Variants in SRSF4 observed in about 807,000 individuals in gnomAD.
The protein encoded by SRSF4 is serine and arginine rich splicing factor 4.
SRSF4 carries 12 observed loss-of-function variants against 48.8 expected under a neutral mutation model. That is an observed-to-expected ratio of 0.25 (90% CI 0.16 to 0.40). The LOEUF (loss-of-function observed/expected upper bound fraction) is 0.40, where lower values mean the gene tolerates loss of function less well. Among genes scored for constraint, SRSF4 ranks in the 10% least tolerant of loss-of-function variants. The pLI is 1.00. For synonymous variants in SRSF4, 248 were observed against 232.5 expected (o/e 1.07, Z -0.61); for missense variants, 466 against 667.1 (o/e 0.70, Z 3.32).
At chr1:29,176,772 CA>C (rs1316737016) in intron 1 of SRSF4, among the ~76,000 whole-genome samples, 1 of 152,104 alleles carries the variant, frequency 6.6e-6, no homozygotes, top group African/African-American at 2.4e-5. Flanking sequence ...AGGGCGAAAA[CA>C]AAAATTTTCT....
intron 4 of SRSF4, among the ~76,000 whole-genome samples, chr1:29,151,484 A>G (rs878866885): frequency 1.3e-5 from 2 of 152,180 alleles, no homozygotes; most frequent in Non-Finnish European, 2.9e-5. Flanking sequence ...GCGACAGAGC[A>G]AGAGTCCGTC....
In SRSF4 at chr1:29,148,226, G is replaced by A. The variant is rs1223084670; in HGVS notation, c.*184C>T. Reference sequence around the variant, plus strand: ...CAAAGAGAAAATTTTTTTCAGTCGAGCAGGAAGGCCTGGTGCCAGGAGGCT... The same window carrying A: ...CAAAGAGAAAATTTTTTTCAGTCGAACAGGAAGGCCTGGTGCCAGGAGGCT... On this transcript the variant is annotated 3_prime_UTR_variant, in exon 6 of 6. Transcript: ENST00000373795. 3.4e-6 allele frequency: 3 copies of A among 880,446 alleles called. No individual in the cohort carries two copies. Among genetic ancestry groups the A allele is most frequent in the Non-Finnish European group, 5.5e-6 (3 of 547,788 alleles). 54.5% of individuals were successfully genotyped at this position (880,446 alleles called of 1,614,324 possible). A position where few individuals can be genotyped will look rare whatever the true frequency, so the allele number is the denominator to read the frequency against.
At chr1:29,159,016 G>A (rs935632570) in intron 3 of SRSF4, among the ~76,000 whole-genome samples, 1 of 151,944 alleles carries the variant, frequency 6.6e-6, no homozygotes, top group Non-Finnish European at 1.5e-5. Flanking sequence ...CTGAGATGGA[G>A]AATTGCTTGA....
rs530952610 is a variant in SRSF4 at position 29,175,562 on chromosome 1, G to A, written c.107+6084C>T. 8.0e-5 allele frequency among the ~76,000 whole-genome samples: 12 copies of A among 149,734 alleles called. No homozygotes were observed. In the South Asian group the frequency reaches 2.6e-3, roughly 32 times the overall value. ...TACAAAAAATTAGCCGGGAGCGGTG[G>A]CGGGCTCCTGTAGTCCCAGCTACTT... On this transcript the variant is annotated intron_variant, in intron 1 of 5. Coordinates refer to ENST00000373795, the MANE Select transcript of SRSF4 (RefSeq NM_005626.5).
intron 1 of SRSF4, chr1:29,170,670 A>G (rs1672734087): frequency 6.6e-6 from 1 of 152,216 alleles, no homozygotes; most frequent in South Asian, 2.1e-4. Flanking sequence ...GGATGGATCA[A>G]TAGCTTCATT....
chr1:29,174,675 GT>G (rs35283951), intron 1 of SRSF4, among the ~76,000 whole-genome samples: 247 of 130,686 alleles, frequency 1.9e-3, no homozygotes, highest in East Asian at 4.4e-3. Context: ...CAGGAGATAG[GT>G]TTTTTTTTTT....
At chr1:29,163,892 G>A (rs1438301408) in intron 1 of SRSF4, among the ~76,000 whole-genome samples, 1 of 152,164 alleles carries the variant, frequency 6.6e-6, no homozygotes, top group Non-Finnish European at 1.5e-5. Flanking sequence ...ACTTTGAAGA[G>A]CAAATTTAAA....
At chr1:29,166,676 G>C (rs1284375384) in intron 1 of SRSF4, 2 of 152,192 alleles carry the variant, frequency 1.3e-5, no homozygotes, top group African/African-American at 2.4e-5. Context: ...CCTCTCTTTA[G>C]TCTCAGAGGA....
intron 4 of SRSF4, 154 bp downstream of exon 4, chr1:29,154,542 G>T: frequency 2.7e-6 from 2 of 732,282 alleles, no homozygotes; most frequent in South Asian, 2.0e-5. Context: ...GAGTTCAAGA[G>T]TTTTACAAAT....
chr1:29,180,118 C>A (rs1672931861), intron 1 of SRSF4, among the ~76,000 whole-genome samples: 1 of 152,208 alleles, frequency 6.6e-6, no homozygotes, highest in African/African-American at 2.4e-5. Context: ...GAATGAACAA[C>A]CAGGTTCAGA....
chr1:29,155,356 A>G (rs1195508947), intron 3 of SRSF4, among the ~76,000 whole-genome samples: 1 of 152,086 alleles, frequency 6.6e-6, no homozygotes, highest in Non-Finnish European at 1.5e-5. Flanking sequence ...TCTGAGCCCA[A>G]GGAGGTTGAG....
intron 1 of SRSF4, among the ~76,000 whole-genome samples, chr1:29,180,124 T>C (rs1672931927): frequency 6.6e-6 from 1 of 152,248 alleles, no homozygotes; most frequent in Admixed American, 6.5e-5. Flanking sequence ...ACAACCAGGT[T>C]CAGAGAAGTA....
intron 1 of SRSF4, among the ~76,000 whole-genome samples, chr1:29,175,014 G>C (rs1368587945): frequency 2.0e-5 from 3 of 150,242 alleles, no homozygotes; most frequent in African/African-American, 7.4e-5. Flanking sequence ...AAAGAAGAGA[G>C]ACAGAGTGCG....
intron 3 of SRSF4, among the ~76,000 whole-genome samples, chr1:29,158,318 A>C (rs763272293): frequency 6.6e-6 from 1 of 152,208 alleles, no homozygotes; most frequent in Non-Finnish European, 1.5e-5. Flanking sequence ...ACCAGTAAGG[A>C]TACACACTGA....
chr1:29,178,157 C>T (rs1208691552), intron 1 of SRSF4, among the ~76,000 whole-genome samples: 1 of 152,068 alleles, frequency 6.6e-6, no homozygotes, highest in Non-Finnish European at 1.5e-5. Context: ...ACCTCGGCCT[C>T]CCAAGGTGAT....
At chr1:29,164,527 T>C (rs1331203453) in intron 1 of SRSF4, among the ~76,000 whole-genome samples, 5 of 152,252 alleles carry the variant, frequency 3.3e-5, no homozygotes, top group Non-Finnish European at 1.5e-5. Flanking sequence ...TATGCACGTG[T>C]GTACATATAT....
Position 29,160,363 on chromosome 1 carries a change from T to A in SRSF4, c.250+12A>T, listed in dbSNP as rs752859238. On this transcript the variant is annotated intron_variant, in intron 2 of 5. Transcript: ENST00000373795. ...CACGTTACTGATAAAAGTATGCCCT[T>A]TGAATGCTTACTGCGTCCAGAACCG... 1 of 1,605,870 alleles carries A rather than the reference T, an allele frequency of 6.2e-7. No individual in the cohort carries two copies. The highest frequency in any genetic ancestry group is 1.7e-5 in the Admixed American group (1 of 57,480).
intron 1 of SRSF4, chr1:29,169,938 T>G (rs1363918884): frequency 3.3e-5 from 5 of 152,256 alleles, no homozygotes; most frequent in Admixed American, 2.6e-4. Flanking sequence ...TTGCCAACTT[T>G]GTTTTAGCTA....
chr1:29,158,111 G>GT (rs1447008155), intron 3 of SRSF4, among the ~76,000 whole-genome samples: 3 of 152,088 alleles, frequency 2.0e-5, no homozygotes, highest in Non-Finnish European at 4.4e-5. Flanking sequence ...GGAGGTTGCA[G>GT]TGAGCTGAGA....
Sources: allele counts gnomAD v4.1 joint callset (sites outside exome capture counted in the v4.1 genomes callset), GRCh38; gene constraint gnomAD v4.1.1; transcripts MANE v1.5; gene names NCBI Gene and HGNC (gene_info 2026-07-23, HGNC 2026-07-21).